ADAMTSL2: variants seen among roughly 807,000 people sequenced by gnomAD.
The protein encoded by ADAMTSL2 is ADAMTS like 2, also known as ADAMTS-like protein 2.
A neutral mutation model predicts 117.0 loss-of-function variants in ADAMTSL2; 55 were observed. That is an observed-to-expected ratio of 0.47 (90% CI 0.38 to 0.59). The LOEUF (loss-of-function observed/expected upper bound fraction) is 0.59, where lower values mean the gene tolerates loss of function less well. ADAMTSL2 is among the 20% of genes least tolerant of loss of function. The probability of loss-of-function intolerance (pLI) is 0.00; values close to 1 mark genes in which losing one functional copy is unlikely to be tolerated. For missense variants in ADAMTSL2, 1,182 were observed against 1,354.5 expected (o/e 0.87, Z 2.00); for synonymous variants, 572 against 566.4 (o/e 1.01, Z -0.14).
chr9:133,548,849 C>G (rs1343999457), intron 9 of ADAMTSL2, among the ~76,000 whole-genome samples: 1 of 152,210 alleles, frequency 6.6e-6, no homozygotes, highest in African/African-American at 2.4e-5. Flanking sequence ...TGGACCTATG[C>G]GCTTTGCACG....
At chr9:133,552,128 A>G (rs916135394) in intron 9 of ADAMTSL2, among the ~76,000 whole-genome samples, 1 of 152,194 alleles carries the variant, frequency 6.6e-6, no homozygotes, top group African/African-American at 2.4e-5. Context: ...GCACCTGGCC[A>G]GCAGCAGCTT....
At chr9:133,573,305 A>G (rs1313949402) in intron 17 of ADAMTSL2, among the ~76,000 whole-genome samples, 2 of 152,150 alleles carry the variant, frequency 1.3e-5, no homozygotes. Context: ...GGGGTTTTCC[A>G]AGGGGAACAT....
intron 7 of ADAMTSL2, among the ~76,000 whole-genome samples, chr9:133,542,053 G>A (rs960817509): frequency 4.6e-5 from 7 of 152,208 alleles, no homozygotes; most frequent in African/African-American, 1.7e-4. Flanking sequence ...GAGGCCAGTT[G>A]ACTCTGGACT....
At chr9:133,555,027 C>T (rs1434619544) in intron 10 of ADAMTSL2, among the ~76,000 whole-genome samples, 2 of 152,164 alleles carry the variant, frequency 1.3e-5, no homozygotes, top group African/African-American at 2.4e-5. Context: ...CTCACCCCAT[C>T]GCTCACTCAA....
intron 17 of ADAMTSL2, among the ~76,000 whole-genome samples, chr9:133,570,935 A>G (rs576025060): frequency 0.077 from 11,700 of 152,252 alleles, 497 homozygotes; most frequent in African/African-American, 0.096. Context: ...TTAGGGAGAC[A>G]GTAATAGACA....
At chr9:133,566,869 T>C in intron 12 of ADAMTSL2, 67 bp from the exon 13 acceptor site, 1 of 1,562,264 alleles carries the variant, frequency 6.4e-7, no homozygotes, top group South Asian at 1.2e-5. Context: ...CCCCAAGTCC[T>C]GAGGCCTGTC....
chr9:133,569,710 C>T, intron 16 of ADAMTSL2, 132 bp downstream of exon 16: 2 of 934,864 alleles, frequency 2.1e-6, no homozygotes, highest in East Asian at 2.7e-5. Flanking sequence ...AGGGACAATT[C>T]CCTAAAAATT....
intron 6 of ADAMTSL2, 65 bp downstream of exon 6, chr9:133,540,808 G>A (rs1830203011): frequency 1.2e-6 from 2 of 1,613,268 alleles, no homozygotes. Flanking sequence ...CCGCCTGTGG[G>A]AGGCAGTGGC....
intron 18 of ADAMTSL2, 107 bp downstream of exon 18, chr9:133,574,094 T>A: frequency 6.9e-7 from 1 of 1,441,802 alleles, no homozygotes. Context: ...ATGGCGAGCC[T>A]GGGAACCAGC....
Position 133,574,937 on chromosome 9 carries a change from C to T in ADAMTSL2, c.*73C>T. The T allele has an allele frequency of 8.4e-7, 1 of 1,192,948 alleles. No homozygotes were observed. The highest frequency in any genetic ancestry group is 1.2e-6 in the Non-Finnish European group (1 of 801,132). 73.9% of individuals were successfully genotyped at this position (1,192,948 alleles called of 1,614,324 possible). A position where few individuals can be genotyped will look rare whatever the true frequency, so the allele number is the denominator to read the frequency against. Reference sequence around the variant, plus strand: ...GGGGCTGCTGCAGCTTCTGGGGCCTCCACAGACCCCCCTCCTGCGGGGCAC... The same window carrying T: ...GGGGCTGCTGCAGCTTCTGGGGCCTTCACAGACCCCCCTCCTGCGGGGCAC... On this transcript the variant is annotated 3_prime_UTR_variant, in exon 19 of 19. Transcript: ENST00000651351.
intron 12 of ADAMTSL2, among the ~76,000 whole-genome samples, chr9:133,563,105 A>G (rs1157745114): frequency 2.6e-5 from 4 of 152,388 alleles, no homozygotes; most frequent in African/African-American, 9.6e-5. Flanking sequence ...TGTTTTCCAC[A>G]GGTGAACTGG....
chr9:133,545,760 G>A (rs927076799), intron 8 of ADAMTSL2, among the ~76,000 whole-genome samples: 6 of 152,284 alleles, frequency 3.9e-5, no homozygotes, highest in South Asian at 4.2e-4. Context: ...TGGGAAAGCC[G>A]CAGGAAGGAA....
At chr9:133,568,203 G>A (rs1171268679) in intron 13 of ADAMTSL2, 70 bp from the exon 14 acceptor site, 2 of 1,474,652 alleles carry the variant, frequency 1.4e-6, no homozygotes, top group South Asian at 2.4e-5. Context: ...GTTGTCTCTG[G>A]GGGTGTGGGT....
At chr9:133,563,443 A>C (rs1830795450) in intron 12 of ADAMTSL2, among the ~76,000 whole-genome samples, 1 of 146,742 alleles carries the variant, frequency 6.8e-6, no homozygotes, top group Non-Finnish European at 1.5e-5. Flanking sequence ...AGTAAGTGTC[A>C]AGCCTGTGGG....
rs940899781 is a variant in ADAMTSL2 at position 133,575,281 on chromosome 9, G to A, written c.*417G>A. 1.6e-4 allele frequency: 38 copies of A among 241,954 alleles called. No individual in the cohort carries two copies. Among genetic ancestry groups the A allele is most frequent in the African/African-American group, 3.8e-4 (17 of 44,388 alleles). 15.0% of individuals were successfully genotyped at this position (241,954 alleles called of 1,614,324 possible). ...AAGGAAACTTGCAGGCGAGCCCAAC[G>A]TGGTGGGGGGCCTTCCTCCCTCAGA... On this transcript the variant is annotated 3_prime_UTR_variant, in exon 19 of 19. Transcript: ENST00000651351.
intron 17 of ADAMTSL2, among the ~76,000 whole-genome samples, chr9:133,571,879 A>G (rs933900481): frequency 6.6e-6 from 1 of 152,172 alleles, no homozygotes; most frequent in Non-Finnish European, 1.5e-5. Context: ...CTGAATACCC[A>G]GGCGACAAAA....
At chr9:133,550,427 C>T (rs1282955161) in intron 9 of ADAMTSL2, among the ~76,000 whole-genome samples, 2 of 152,176 alleles carry the variant, frequency 1.3e-5, no homozygotes, top group Non-Finnish European at 2.9e-5. Flanking sequence ...CATTGTGGCA[C>T]GTCCTCTGCT....
chr9:133,564,635 AGAGAGG>A (rs1430312850), intron 12 of ADAMTSL2, among the ~76,000 whole-genome samples: 10,902 of 46,140 alleles, frequency 0.24, 1,550 homozygotes, highest in Non-Finnish European at 0.29. Context: ...GGAGAGAGAG[AGAGAGG>A]GAGAGAGGGA....
In ADAMTSL2 at chr9:133,536,740, T is replaced by C. The variant is rs1830061528; in HGVS notation, c.28T>C (p.Trp10Arg). 1 of 1,614,126 alleles carries C rather than the reference T, an allele frequency of 6.2e-7. No homozygotes were observed. Among genetic ancestry groups the C allele is most frequent in the Non-Finnish European group, 8.5e-7 (1 of 1,180,048 alleles). ...GGATGGCAGATGGCAATGTTCCTGC[T>C]GGGCCTGGTTCCTGCTGGTTCTGGC... MDGRWQCSC[W>R]AWFLLVLAVV... The change falls in exon 2 of 19, where the codon TGG (tryptophan) becomes CGG (arginine). Residue 10 changes from tryptophan to arginine, a missense_variant. Physicochemically the swap from Trp to Arg is moderately radical, Grantham distance 101. Transcript: ENST00000651351.
Sources: allele counts gnomAD v4.1 joint callset (sites outside exome capture counted in the v4.1 genomes callset), GRCh38; gene constraint gnomAD v4.1.1; transcripts MANE v1.5; gene names NCBI Gene and HGNC (gene_info 2026-07-23, HGNC 2026-07-21).